ARFGEF3: variants seen among roughly 807,000 people sequenced by gnomAD.
The protein encoded by ARFGEF3 is brefeldin A-inhibited guanine nucleotide-exchange protein 3.
Under a neutral mutation model 221.7 loss-of-function variants are expected in ARFGEF3, and 96 were observed. The observed-to-expected ratio is 0.43, with a 90% confidence interval of 0.37 to 0.51. The LOEUF is 0.51. ARFGEF3 is among the 20% of genes least tolerant of loss of function. The pLI, the probability that ARFGEF3 is intolerant of heterozygous loss-of-function variation, is 0.00. For missense variants in ARFGEF3, 2,410 were observed against 2,789.9 expected (o/e 0.86, Z 3.07); for synonymous variants, 1,145 against 1,126.8 (o/e 1.02, Z -0.32).
intron 20 of ARFGEF3, among the ~76,000 whole-genome samples, chr6:138,296,134 A>G (rs1186310660): frequency 6.6e-6 from 1 of 152,140 alleles, no homozygotes; most frequent in Non-Finnish European, 1.5e-5. Flanking sequence ...CTCTTGGCAA[A>G]GAAGTAGCCC....
Position 138,321,208 on chromosome 6 carries a change from G to C in ARFGEF3, c.4749G>C (p.Val1583=). ...VAKPTETISR[V]GCSCIRYVLV... The stretch of plus-strand genomic sequence containing the variant: ...AGCCCACTGAAACCATCTCCAGAGT[G>C]GGCTGCTCCTGTATTAGGTGAGGAA... The change falls in exon 29 of 34, where the codon GTG becomes GTC. Residue 1583 remains valine, a synonymous_variant. Coordinates refer to ENST00000251691, the MANE Select transcript of ARFGEF3 (RefSeq NM_020340.5). 5.2e-6 allele frequency: 8 copies of C among 1,551,092 alleles called. No homozygotes were observed. The highest frequency in any genetic ancestry group is 7.0e-6 in the Non-Finnish European group (8 of 1,144,280).
intron 2 of ARFGEF3, among the ~76,000 whole-genome samples, chr6:138,197,855 GA>G (rs1777459172): frequency 6.6e-6 from 1 of 152,110 alleles, no homozygotes; most frequent in Non-Finnish European, 1.5e-5. Flanking sequence ...ATTTTCTTCA[GA>G]TTATGCAAGT....
chr6:138,302,697 A>G (rs1344046809), intron 22 of ARFGEF3, among the ~76,000 whole-genome samples: 1 of 152,232 alleles, frequency 6.6e-6, no homozygotes, highest in African/African-American at 2.4e-5. Context: ...GGATTAACTA[A>G]TGCTGACTTC....
intron 13 of ARFGEF3, 53 bp downstream of exon 13, chr6:138,278,670 G>GT: frequency 6.3e-7 from 1 of 1,586,480 alleles, no homozygotes; most frequent in Non-Finnish European, 8.6e-7. Context: ...TAACTTCCTG[G>GT]TGTACAGCCT....
intron 2 of ARFGEF3, among the ~76,000 whole-genome samples, chr6:138,187,872 G>A (rs1777217804): frequency 6.6e-6 from 1 of 152,082 alleles, no homozygotes; most frequent in Non-Finnish European, 1.5e-5. Flanking sequence ...TGTGTAGGTG[G>A]GGGAGTCAAG....
chr6:138,234,475 C>CGTGTGT (rs10642229), intron 5 of ARFGEF3, among the ~76,000 whole-genome samples: 32 of 148,194 alleles, frequency 2.2e-4, no homozygotes, highest in African/African-American at 6.4e-4. Flanking sequence ...CAGTTCACCC[C>CGTGTGT]GTGTGTGTGT....
At chr6:138,307,526 T>A in intron 23 of ARFGEF3, 129 bp downstream of exon 23, 1 of 874,988 alleles carries the variant, frequency 1.1e-6, no homozygotes, top group Non-Finnish European at 1.8e-6. Flanking sequence ...CAGGAAAGAA[T>A]GTGGTGTAGC....
chr6:138,229,282 C>T (rs1003140460), intron 4 of ARFGEF3, among the ~76,000 whole-genome samples: 2 of 152,298 alleles, frequency 1.3e-5, no homozygotes, highest in African/African-American at 2.4e-5. Context: ...CACATGGAGT[C>T]GGATTACTTG....
chr6:138,249,527 C>G (rs1266627321), intron 8 of ARFGEF3, among the ~76,000 whole-genome samples: 1 of 152,078 alleles, frequency 6.6e-6, no homozygotes, highest in Non-Finnish European at 1.5e-5. Flanking sequence ...GGCGAGGTTT[C>G]ACCATGTTGG....
At chr6:138,260,166 C>G (rs1778762217) in intron 10 of ARFGEF3, among the ~76,000 whole-genome samples, 1 of 152,124 alleles carries the variant, frequency 6.6e-6, no homozygotes. Context: ...TTAGCCCCAG[C>G]CTTGTCACTC....
In ARFGEF3 at chr6:138,162,051, C is replaced by T. The variant is rs746588471; in HGVS notation, c.-36C>T. 7 of 1,522,442 alleles carry T rather than the reference C, an allele frequency of 4.6e-6. No homozygotes were observed. The African/African-American group carries it at 7.2e-5, about 16-fold the overall frequency. The allele number at this position is 1,522,442 out of a possible 1,614,324, so 94.3% of individuals were successfully genotyped here. ...CGGCCCGGCTCGCCCGCGCTTCTCT[C>T]CCTGTGGGCGGCGGCCCGGCGCCTG... On this transcript the variant is annotated 5_prime_UTR_variant, in exon 1 of 34. Transcript: ENST00000251691. The surrounding 1 kb of genome is among the most constrained non-coding windows in gnomAD (Gnocchi z 4.7).
At chr6:138,308,928 G>A in intron 24 of ARFGEF3, 67 bp downstream of exon 24, 3 of 1,582,832 alleles carry the variant, frequency 1.9e-6, no homozygotes, top group East Asian at 2.2e-5. Context: ...CTCTGTGGCT[G>A]GAGACAGGGC....
intron 24 of ARFGEF3, among the ~76,000 whole-genome samples, chr6:138,309,253 G>A (rs928595131): frequency 2.6e-5 from 4 of 152,014 alleles, no homozygotes; most frequent in African/African-American, 4.8e-5. Flanking sequence ...TTAACTAAGT[G>A]TCCTTCCCTT....
At chr6:138,179,803 T>G (rs1292189738) in intron 2 of ARFGEF3, among the ~76,000 whole-genome samples, 1 of 152,186 alleles carries the variant, frequency 6.6e-6, no homozygotes, top group Non-Finnish European at 1.5e-5. Context: ...CAAGTTTTTT[T>G]GGTTGTTTTG....
chr6:138,185,682 A>G (rs6914888), intron 2 of ARFGEF3, among the ~76,000 whole-genome samples: 2,403 of 152,310 alleles, frequency 0.016, 33 homozygotes, highest in Middle Eastern at 0.058. Context: ...CCTTAGAGGT[A>G]GGGCTTTGGG....
Position 138,229,791 on chromosome 6 carries a change from T to G in ARFGEF3, c.359T>G (p.Leu120Arg). The change falls in exon 5 of 34, where the codon CTA becomes CGA. Residue 120 changes from leucine to arginine, a missense_variant. Coordinates refer to ENST00000251691, the MANE Select transcript of ARFGEF3 (RefSeq NM_020340.5). ...DLQVEVMKVL[L>R]CITYTPTFDL... ...TCTCTCACCTTGTTAAAGGTTTTACTATGCATCACCTACACGCCAACATTT... is the reference window on the plus strand; with the variant it reads ...TCTCTCACCTTGTTAAAGGTTTTACGATGCATCACCTACACGCCAACATTT... 6.2e-7 allele frequency: 1 copy of G among 1,613,312 alleles called. No individual in the cohort carries two copies. Among genetic ancestry groups the G allele is most frequent in the Non-Finnish European group, 8.5e-7 (1 of 1,179,308 alleles).
Position 138,301,885 on chromosome 6 carries a change from C to G in ARFGEF3, c.3828+3100C>G, listed in dbSNP as rs116049575. Among the ~76,000 whole-genome samples, 195 of 151,854 alleles carry G rather than the reference C, an allele frequency of 1.3e-3. 1 individual carries two copies. Among genetic ancestry groups the G allele is most frequent in the African/African-American group, 4.6e-3 (192 of 41,376 alleles). Reference sequence around the variant, plus strand: ...TGAGGATGAACACTAGGGAGTCAGGCTAAAAAATAAAAATGAAGAACAAAA... The same window carrying G: ...TGAGGATGAACACTAGGGAGTCAGGGTAAAAAATAAAAATGAAGAACAAAA... On this transcript the variant is annotated intron_variant, in intron 22 of 33. Coordinates refer to ENST00000251691, the MANE Select transcript of ARFGEF3 (RefSeq NM_020340.5).
In ARFGEF3 at chr6:138,207,179, T is replaced by C. The variant is rs1777639857; in HGVS notation, c.219+56T>C. 7.4e-6 allele frequency: 10 copies of C among 1,353,946 alleles called. No individual in the cohort carries two copies. In the Admixed American group the frequency reaches 1.3e-4, roughly 18 times the overall value. 83.9% of individuals were successfully genotyped at this position (1,353,946 alleles called of 1,614,324 possible). ...TAGAAATTGACAGGCCACTTTGGCA[T>C]TGAAAGGGCAAATAGTTAACATTTT... On this transcript the variant is annotated intron_variant, in intron 3 of 33. Coordinates refer to ENST00000251691, the MANE Select transcript of ARFGEF3 (RefSeq NM_020340.5).
chr6:138,254,601 G>T (rs1258426034), intron 9 of ARFGEF3, among the ~76,000 whole-genome samples: 3 of 152,090 alleles, frequency 2.0e-5, no homozygotes, highest in South Asian at 4.2e-4. Context: ...ATGGTGGCGG[G>T]TGCCTGTAAT....
Sources: allele counts gnomAD v4.1 joint callset (sites outside exome capture counted in the v4.1 genomes callset), GRCh38; gene constraint gnomAD v4.1.1; non-coding constraint Gnocchi (gnomAD v3.1); transcripts MANE v1.5; gene names NCBI Gene and HGNC (gene_info 2026-07-23, HGNC 2026-07-21).